The following CHD4 variants were observed in gnomAD, a reference collection of about 807,000 sequenced individuals.
The protein encoded by CHD4 is ATP-dependent chromatin remodeler CHD4.
In CHD4, 35 loss-of-function variants were observed where a neutral mutation model predicts 235.5. That is an observed-to-expected ratio of 0.15 (90% CI 0.11 to 0.20). The LOEUF is 0.20. CHD4 is among the 10% of genes least tolerant of loss of function. The pLI is 1.00. For synonymous variants in CHD4, 900 were observed against 850.2 expected (o/e 1.06, Z -1.02); for missense variants, 1,329 against 2,432.3 (o/e 0.55, Z 9.54).
In CHD4 at chr12:6,596,069, C is replaced by G; in HGVS notation, c.1961G>C (p.Trp654Ser). 6.2e-7 allele frequency: 1 copy of G among 1,614,072 alleles called. No homozygotes were observed. Among genetic ancestry groups the G allele is most frequent in the African/African-American group, 1.3e-5 (1 of 75,014 alleles). Residue 654 changes from tryptophan to serine, a missense_variant, in exon 13 of 40, where the codon TGG (tryptophan) becomes TCG (serine). Around this residue, in one of 26 missense-constraint regions of CHD4, gnomAD observed 121 missense variants for 177.8 expected, o/e 0.68. Coordinates refer to ENST00000544040, the MANE Select transcript of CHD4 (RefSeq NM_001273.5). ...WRDLPYDQAS[W>S]ESEDVEIQDY... ...CTGGATCTCCACATCCTCACTCTCC[C>G]AAGAAGCCTGATCGTAAGGTAAGTC...
In CHD4 at chr12:6,601,980, C is replaced by CAT. The variant is rs769907247; in HGVS notation, c.417_418insAT (p.Asp140MetfsTer63). ...GGCACCTTTGAATCATCATCATCAT[C>CAT]CTCCTCCTCCTCCTCCTCCTTCCGC... is the stretch of plus-strand genomic sequence containing the variant. On this transcript the variant is annotated frameshift_variant, in exon 4 of 40. Transcript: ENST00000544040. LOFTEE classifies it high-confidence loss of function. 1.9e-5 allele frequency: 18 copies of CAT among 924,890 alleles called. No homozygotes were observed. Among genetic ancestry groups the CAT allele is most frequent in the African/African-American group, 1.2e-4 (6 of 51,438 alleles). 57.3% of individuals were successfully genotyped at this position (924,890 alleles called of 1,614,324 possible).
chr12:6,601,417 G>A lies in CHD4; in HGVS notation c.671C>T (p.Ala224Val). Reference sequence around the variant, plus strand: ...TGCTGCTGCCGCAGCTGCCACTGATGCCCCAGAACTGCCTTTGAAGGGGTT... The same window carrying A: ...TGCTGCTGCCGCAGCTGCCACTGATACCCCAGAACTGCCTTTGAAGGGGTT... ...TNNPFKGSSG[A>V]SVAAAAAAAV... Residue 224 changes from alanine to valine, a missense_variant, in exon 6 of 40, where the codon GCA (alanine) becomes GTA (valine). Transcript: ENST00000544040. 1.2e-6 allele frequency: 2 copies of A among 1,614,166 alleles called. No homozygotes were observed. Among genetic ancestry groups the A allele is most frequent in the East Asian group, 2.2e-5 (1 of 44,870 alleles).
chr12:6,599,140 C>T (rs977044428), intron 10 of CHD4, among the ~76,000 whole-genome samples: 7 of 152,232 alleles, frequency 4.6e-5, no homozygotes, highest in African/African-American at 1.7e-4. Context: ...CCCTATTAAA[C>T]ATTCTAAACT....
In CHD4 at chr12:6,601,062, A is replaced by G. The variant is rs1442287452; in HGVS notation, c.800-9T>C. 1.3e-6 allele frequency: 2 copies of G among 1,559,306 alleles called. No homozygotes were observed. Among genetic ancestry groups the G allele is most frequent in the Admixed American group, 4.2e-5 (2 of 47,814 alleles). On this transcript the variant is annotated splice_polypyrimidine_tract_variant and intron_variant, in intron 6 of 39. Coordinates refer to ENST00000544040, the MANE Select transcript of CHD4 (RefSeq NM_001273.5). ...CCTCCGAGCATTGGGACCTAAAATC[A>G]GGATATATCCAAATATATACCACAA...
chr12:6,591,371 A>C (rs1948396993), intron 22 of CHD4, 95 bp downstream of exon 22: 1 of 955,170 alleles, frequency 1.0e-6, no homozygotes, highest in Non-Finnish European at 1.6e-6. Flanking sequence ...AAAGTCCCAA[A>C]AGAACTACAC....
chr12:6,599,440 CAAA>C (rs1209575340), intron 10 of CHD4, among the ~76,000 whole-genome samples: 1 of 144,376 alleles, frequency 6.9e-6, no homozygotes, highest in Non-Finnish European at 1.5e-5. Flanking sequence ...ACCCTGTCTC[CAAA>C]AAAAAAAATT....
At chr12:6,572,875 T>TAAAA in intron 38 of CHD4, 199 bp downstream of exon 38, 1 of 406,074 alleles carries the variant, frequency 2.5e-6, no homozygotes, top group Non-Finnish European at 4.2e-6. Flanking sequence ...TCCATCTCTT[T>TAAAA]AAAAAAAAAA....
At chr12:6,587,184 G>C (rs867965736) in intron 25 of CHD4, 200 bp downstream of exon 25, 10 of 583,776 alleles carry the variant, frequency 1.7e-5, no homozygotes, top group Middle Eastern at 3.5e-4. Context: ...ATATTTGGTT[G>C]TAAGTTTTCT....
chr12:6,578,960 C>A, intron 33 of CHD4, 43 bp from the exon 34 acceptor site: 1 of 1,556,536 alleles, frequency 6.4e-7, no homozygotes, highest in South Asian at 1.1e-5. Flanking sequence ...AAAGGAAGAA[C>A]ATTCTCCTCT....
intron 22 of CHD4, among the ~76,000 whole-genome samples, chr12:6,589,023 A>C (rs1948347705): frequency 1.3e-5 from 2 of 152,006 alleles, no homozygotes; most frequent in African/African-American, 4.8e-5. Context: ...TGAGGTGGGC[A>C]GATCACCTGT....
chr12:6,586,112 T>C (rs11064268), intron 25 of CHD4, among the ~76,000 whole-genome samples: 40,457 of 149,556 alleles, frequency 0.27, 6,855 homozygotes, highest in African/African-American at 0.49. Flanking sequence ...AAAAAAAATA[T>C]ATAAGGCCAG....
At position 6,606,270 on chromosome 12, in the gene CHD4, T is replaced by G; in HGVS notation, c.100+4A>C. 6.4e-7 allele frequency: 1 copy of G among 1,567,436 alleles called. No individual in the cohort carries two copies. The highest frequency in any genetic ancestry group is 1.8e-5 in the Admixed American group (1 of 55,742). Reference sequence around the variant, plus strand: ...CCGCCATGGGCCCTTGGGGAAGATGTTACCTGGGTGGGGTGGGGGCAGGCT... The same window carrying G: ...CCGCCATGGGCCCTTGGGGAAGATGGTACCTGGGTGGGGTGGGGGCAGGCT... On this transcript the variant is annotated splice_donor_region_variant and intron_variant, in intron 2 of 39. Coordinates refer to ENST00000544040, the MANE Select transcript of CHD4 (RefSeq NM_001273.5).
At position 6,602,073 on chromosome 12, in the gene CHD4, C is replaced by T. The variant is rs975815653; in HGVS notation, c.325G>A (p.Asp109Asn). 5.6e-6 allele frequency: 9 copies of T among 1,613,406 alleles called. No homozygotes were observed. Among genetic ancestry groups the T allele is most frequent in the African/African-American group, 2.7e-5 (2 of 74,786 alleles). ...TTCTTCTTCTTGCCAGGAGTATAGTCGCTGCCCTCACTGTCTGAGCGCAGA... is the reference window on the plus strand; with the variant it reads ...TTCTTCTTCTTGCCAGGAGTATAGTTGCTGCCCTCACTGTCTGAGCGCAGA... ...VALRSDSEGS[D>N]YTPGKKKKKK... is the part of the protein sequence containing the mutation. Residue 109 changes from aspartate to asparagine, a missense_variant, in exon 4 of 40, where the codon GAC becomes AAC. Asp to Asn is a conservative substitution (Grantham distance 23). Coordinates refer to ENST00000544040, the MANE Select transcript of CHD4 (RefSeq NM_001273.5).
At chr12:6,589,531 A>G (rs1392295002) in intron 22 of CHD4, among the ~76,000 whole-genome samples, 5 of 151,540 alleles carry the variant, frequency 3.3e-5, no homozygotes, top group Non-Finnish European at 7.4e-5. Context: ...CACTTTGGGA[A>G]GCTGAGGCGG....
intron 37 of CHD4, among the ~76,000 whole-genome samples, chr12:6,576,612 T>G (rs913000711): frequency 1.3e-5 from 2 of 152,156 alleles, no homozygotes; most frequent in Admixed American, 1.3e-4. Flanking sequence ...GAACTTTCTT[T>G]TCTTGTCTTT....
At position 6,582,131 on chromosome 12, in the gene CHD4, G is replaced by C. The variant is rs372493471; in HGVS notation, c.4515+6C>G. 5 of 1,562,142 alleles carry C rather than the reference G, an allele frequency of 3.2e-6. No homozygotes were observed. The highest frequency in any genetic ancestry group is 4.3e-6 in the Non-Finnish European group (5 of 1,152,286). The stretch of plus-strand genomic sequence containing the variant: ...TAGAAACAATGGCAAGAGGCTCAGG[G>C]CTCACCTTCTTGCGAATCAAAGACA... On this transcript the variant is annotated splice_donor_region_variant and intron_variant, in intron 30 of 39. Transcript: ENST00000544040.
At chr12:6,571,329 C>A (rs982274307) in intron 38 of CHD4, 5 of 330,282 alleles carry the variant, frequency 1.5e-5, no homozygotes, top group Non-Finnish European at 2.8e-5. Flanking sequence ...AATCTGTCTC[C>A]CCACCTCCAT....
intron 12 of CHD4, among the ~76,000 whole-genome samples, chr12:6,596,659 G>A (rs922992955): frequency 1.7e-4 from 26 of 152,252 alleles, no homozygotes; most frequent in Admixed American, 1.6e-3. Flanking sequence ...AATTAGCCGG[G>A]CATGGTGGCA....
intron 4 of CHD4, 65 bp from the exon 5 acceptor site, chr12:6,601,831 G>C: frequency 6.4e-7 from 1 of 1,570,432 alleles, no homozygotes; most frequent in Non-Finnish European, 8.8e-7. Context: ...AAGCAAATTT[G>C]TGTGGAAAAA....
Sources: allele counts gnomAD v4.1 joint callset (sites outside exome capture counted in the v4.1 genomes callset), GRCh38; gene constraint gnomAD v4.1.1; regional missense constraint gnomAD v4.1.1; transcripts MANE v1.5; gene names NCBI Gene and HGNC (gene_info 2026-07-23, HGNC 2026-07-21).